Variants in GLP2R observed in about 807,000 individuals in gnomAD.
GLP2R encodes glucagon like peptide 2 receptor.
A neutral mutation model predicts 68.2 loss-of-function variants in GLP2R; 59 were observed. The observed-to-expected ratio is 0.87, with a 90% CI of 0.70 to 1.07. The LOEUF (loss-of-function observed/expected upper bound fraction) is 1.07. GLP2R is among the 50% of genes least tolerant of loss of function. The pLI is 0.00. For missense variants in GLP2R, 548 were observed against 677.4 expected, an observed-to-expected ratio of 0.81 and a Z score of 2.12; for synonymous variants, 270 against 265.4, an observed-to-expected ratio of 1.02 and a Z score of -0.17.
At chr17:9,859,203 A>T (rs1429895742) in intron 6 of GLP2R, among the ~76,000 whole-genome samples, 1 of 151,974 alleles carries the variant, frequency 6.6e-6, no homozygotes, top group African/African-American at 2.4e-5. Context: ...ATTTGTTTCA[A>T]TTTTTTCTTT....
intron 10 of GLP2R, among the ~76,000 whole-genome samples, chr17:9,877,802 G>A (rs962574016): frequency 1.2e-4 from 18 of 150,746 alleles, no homozygotes; most frequent in African/African-American, 4.1e-4. Flanking sequence ...GCATGAACCC[G>A]GAAGGCGGAG....
chr17:9,885,405 G>A (rs146422240), intron 11 of GLP2R, among the ~76,000 whole-genome samples: 1,962 of 152,042 alleles, frequency 0.013, 57 homozygotes, highest in African/African-American at 0.045. Flanking sequence ...TGGGCTCAGG[G>A]TAGATAGTTC....
chr17:9,859,423 C>T (rs2066963980), intron 6 of GLP2R, among the ~76,000 whole-genome samples: 1 of 151,988 alleles, frequency 6.6e-6, no homozygotes, highest in Non-Finnish European at 1.5e-5. Context: ...CTACCTGAAG[C>T]CCTCCTTCCT....
intron 4 of GLP2R, among the ~76,000 whole-genome samples, chr17:9,843,209 T>C (rs1217964666): frequency 6.6e-6 from 1 of 152,110 alleles, no homozygotes; most frequent in Admixed American, 6.5e-5. Context: ...CCATTCCAAA[T>C]AGTAAGAATG....
chr17:9,837,437 G>C (rs1030341910), intron 3 of GLP2R, among the ~76,000 whole-genome samples: 1 of 151,646 alleles, frequency 6.6e-6, no homozygotes, highest in Non-Finnish European at 1.5e-5. Context: ...AATGGCCACT[G>C]TCATGGAGAG....
chr17:9,830,157 C>G (rs1426760820), intron 1 of GLP2R, among the ~76,000 whole-genome samples: 1 of 152,176 alleles, frequency 6.6e-6, no homozygotes, highest in Non-Finnish European at 1.5e-5. Context: ...TGACAAAATT[C>G]AGTACTTTTT....
chr17:9,842,716 C>T (rs2066799494), intron 4 of GLP2R, 100 bp downstream of exon 4: 2 of 1,291,546 alleles, frequency 1.5e-6, no homozygotes, highest in Non-Finnish European at 2.2e-6. Context: ...CACAAAGAGG[C>T]TTCTCCAGCG....
At chr17:9,835,178 G>A (rs1041770939) in intron 2 of GLP2R, among the ~76,000 whole-genome samples, 5 of 151,842 alleles carry the variant, frequency 3.3e-5, no homozygotes, top group Non-Finnish European at 2.9e-5. Context: ...ACAGGCGCCC[G>A]CCACCACTCC....
At position 9,889,610 on chromosome 17, in the gene GLP2R, C is replaced by A. The variant is rs749400789; in HGVS notation, c.1567C>A (p.Arg523Ser). 2 of 1,613,800 alleles carry A rather than the reference C, an allele frequency of 1.2e-6. No individual in the cohort carries two copies. The highest frequency in any genetic ancestry group is 1.3e-5 in the African/African-American group (1 of 75,046). The change falls in exon 13 of 13, where the codon CGC (arginine) becomes AGC (serine). Residue 523 changes from arginine to serine, a missense_variant. Physicochemically the swap from Arg to Ser is moderately radical, Grantham distance 110 (BLOSUM62 -1). Transcript: ENST00000262441. The part of the protein sequence containing the change: ...LGAQPQQDHA[R>S]WPRGSSLSEC... ...CGCCCAGCCCCAACAGGACCATGCA[C>A]GCTGGCCCCGGGGCAGCAGCCTGTC...
At chr17:9,871,178 G>A (rs2067089062) in intron 10 of GLP2R, among the ~76,000 whole-genome samples, 1 of 152,078 alleles carries the variant, frequency 6.6e-6, no homozygotes, top group Admixed American at 6.5e-5. Flanking sequence ...GAACAGCCTG[G>A]ACAACATGGT....
At chr17:9,860,134 G>A (rs1179388505) in intron 7 of GLP2R, 33 bp downstream of exon 7, 5 of 1,541,856 alleles carry the variant, frequency 3.2e-6, no homozygotes, top group Non-Finnish European at 4.4e-6. Flanking sequence ...TCCTTTCCTG[G>A]GGATCCATCA....
chr17:9,826,804 C>T lies in GLP2R; in HGVS notation c.189+552C>T, dbSNP rs138526628. 7.7e-3 allele frequency among the ~76,000 whole-genome samples: 1,178 copies of T among 152,310 alleles called. 11 individuals are homozygous for T. Among genetic ancestry groups the T allele is most frequent in the African/African-American group, 0.026 (1,085 of 41,564 alleles). On this transcript the variant is annotated intron_variant, in intron 1 of 12. Coordinates refer to ENST00000262441, the MANE Select transcript of GLP2R (RefSeq NM_004246.3). ...ACTTCCAACAGCTGCAGATCATCCT[C>T]ATTCACATTTGGGGGCTTATACTTC...
At chr17:9,832,850 G>T (rs2066692962) in intron 1 of GLP2R, among the ~76,000 whole-genome samples, 1 of 152,208 alleles carries the variant, frequency 6.6e-6, no homozygotes, top group African/African-American at 2.4e-5. Context: ...TATTTCCAAG[G>T]TTCAGTGGCA....
chr17:9,844,413 C>G (rs373931643), intron 4 of GLP2R, among the ~76,000 whole-genome samples: 1 of 151,954 alleles, frequency 6.6e-6, no homozygotes, highest in Non-Finnish European at 1.5e-5. Context: ...AGGCAGGAAC[C>G]GTGGCAGCAA....
chr17:9,884,149 G>A (rs573167403), intron 11 of GLP2R, among the ~76,000 whole-genome samples: 1 of 152,312 alleles, frequency 6.6e-6, no homozygotes, highest in Non-Finnish European at 1.5e-5. Flanking sequence ...CCAGGCTTAA[G>A]TTAGTGTTAA....
intron 10 of GLP2R, among the ~76,000 whole-genome samples, chr17:9,873,124 C>A (rs1159800238): frequency 2.0e-5 from 3 of 152,180 alleles, no homozygotes; most frequent in Non-Finnish European, 4.4e-5. Flanking sequence ...AGCTTCAAAG[C>A]CTGCTCTAGT....
chr17:9,831,158 C>A (rs2066676155), intron 1 of GLP2R, among the ~76,000 whole-genome samples: 2 of 152,148 alleles, frequency 1.3e-5, no homozygotes, highest in South Asian at 2.1e-4. Flanking sequence ...TTTGGGATAA[C>A]CTTAAATCTA....
intron 12 of GLP2R, 47 bp downstream of exon 12, chr17:9,888,020 G>T: frequency 7.6e-7 from 1 of 1,319,556 alleles, no homozygotes; most frequent in Non-Finnish European, 1.1e-6. Flanking sequence ...GGTTGGGACT[G>T]CAACCCTACC....
intron 9 of GLP2R, among the ~76,000 whole-genome samples, chr17:9,867,193 A>G (rs1205082604): frequency 6.6e-6 from 1 of 152,320 alleles, no homozygotes. Context: ...CCAACTGTGC[A>G]TGGTGAACCA....
Sources: gnomAD v4.1 joint callset for allele counts (sites outside exome capture counted in the v4.1 genomes callset) on GRCh38, gnomAD v4.1.1 for gene constraint, MANE v1.5 for transcripts, NCBI Gene and HGNC (gene_info 2026-07-23, HGNC 2026-07-21) for gene names.